MIER3: variants seen among roughly 807,000 people sequenced by gnomAD.
MIER3 encodes MIER family member 3, also known as mesoderm induction early response protein 3.
Under a neutral mutation model 63.2 loss-of-function variants are expected in MIER3, and 9 were observed. The observed-to-expected ratio is 0.14, with a 90% confidence interval of 0.09 to 0.25. MIER3 has a LOEUF of 0.25. Among genes scored for constraint, MIER3 ranks in the 10% least tolerant of loss-of-function variants. The pLI is 1.00. For synonymous variants in MIER3, 205 were observed against 224.9 expected (o/e 0.91, Z 0.79); for missense variants, 512 against 666.2 (o/e 0.77, Z 2.55).
intron 3 of MIER3, among the ~76,000 whole-genome samples, chr5:56,944,198 G>C (rs1433210047): frequency 1.3e-5 from 2 of 152,134 alleles, no homozygotes; most frequent in Non-Finnish European, 2.9e-5. Context: ...TAGGCTGGGC[G>C]CGGTGGCTCA....
At chr5:56,924,983 C>T (rs1370645659) in intron 10 of MIER3, among the ~76,000 whole-genome samples, 1 of 152,190 alleles carries the variant, frequency 6.6e-6, no homozygotes, top group African/African-American at 2.4e-5. Flanking sequence ...CGTGGGGCTA[C>T]AGACCTTTTC....
intron 2 of MIER3, among the ~76,000 whole-genome samples, chr5:56,948,072 A>G (rs1209012464): frequency 6.6e-6 from 1 of 152,250 alleles, no homozygotes; most frequent in Non-Finnish European, 1.5e-5. Context: ...AGCATACTCA[A>G]CATAAAAAGT....
chr5:56,937,594 G>A lies in MIER3; in HGVS notation c.420C>T (p.Phe140=), dbSNP rs776339742. ...SVTSHETSDF[F]PRPLRSNTAC... Reference sequence around the variant, plus strand: ...GTTTCTTACATCGTAAAGGCCTAGGGAAGAAATCAGAAGTTTCATGGGAAG... The same window carrying A: ...GTTTCTTACATCGTAAAGGCCTAGGAAAGAAATCAGAAGTTTCATGGGAAG... The change falls in exon 5 of 13, where the codon TTC becomes TTT. Residue 140 remains phenylalanine, a synonymous_variant. Transcript: ENST00000381199. The A allele has an allele frequency of 8.1e-6, 13 of 1,610,500 alleles. No individual in the cohort carries two copies. In the Admixed American group the frequency reaches 2.2e-4, roughly 27 times the overall value.
chr5:56,947,648 C>T (rs1750871804), intron 2 of MIER3, among the ~76,000 whole-genome samples: 1 of 152,170 alleles, frequency 6.6e-6, no homozygotes, highest in African/African-American at 2.4e-5. Context: ...CTTTACATTT[C>T]TCTAACAGTA....
At chr5:56,947,235 C>G in intron 2 of MIER3, 164 bp from the exon 3 acceptor site, 1 of 654,384 alleles carries the variant, frequency 1.5e-6, no homozygotes, top group Non-Finnish European at 2.3e-6. Flanking sequence ...CCCCATGATT[C>G]TGAAAATATG....
intron 3 of MIER3, among the ~76,000 whole-genome samples, chr5:56,939,298 CT>C (rs563792813): frequency 3.3e-5 from 5 of 150,864 alleles, no homozygotes; most frequent in South Asian, 2.1e-4. Flanking sequence ...GCTTTAGTGC[CT>C]TTTTTTTTGC....
chr5:56,928,681 CT>C, intron 10 of MIER3, 85 bp downstream of exon 10: 1 of 945,906 alleles, frequency 1.1e-6, no homozygotes, highest in Non-Finnish European at 1.6e-6. Context: ...GTAAGTTGTT[CT>C]TTTTTCCTAC....
At chr5:56,938,342 AAAGGCAAGG>A (rs1412816920) in intron 4 of MIER3, 12 of 471,068 alleles carry the variant, frequency 2.5e-5, no homozygotes, top group Non-Finnish European at 5.3e-5. Context: ...CTGAGATCTG[AAAGGCAAGG>A]AAAGGTTCCC....
intron 10 of MIER3, chr5:56,928,158 A>C (rs574033066): frequency 1.3e-5 from 2 of 152,356 alleles, no homozygotes; most frequent in Non-Finnish European, 2.9e-5. Flanking sequence ...AATTATGATG[A>C]AAGCTGCTAT....
At chr5:56,951,936 G>A (rs1488690990) in intron 1 of MIER3, among the ~76,000 whole-genome samples, 158 bp downstream of exon 1, 1 of 148,554 alleles carries the variant, frequency 6.7e-6, no homozygotes, top group East Asian at 2.0e-4. Flanking sequence ...GGCCAGCCCC[G>A]CCACGGCCAG....
In MIER3 at chr5:56,950,758, T is replaced by G. The variant is rs1554043524; in HGVS notation, c.10-106A>C. ...GCGGAGTCGAGCGCTCCTCCGCAGC[T>G]GCCAAAAGTGCAAGACGTAGCTTCA... is the stretch of plus-strand genomic sequence containing the variant. On this transcript the variant is annotated intron_variant, in intron 1 of 12. Coordinates refer to ENST00000381199, the MANE Select transcript of MIER3 (RefSeq NM_001297599.2). The G allele has an allele frequency of 5.9e-5, 75 of 1,272,916 alleles. 2 individuals are homozygous for G. The South Asian group carries it at 9.3e-4, about 16-fold the overall frequency. 78.9% of individuals were successfully genotyped at this position (1,272,916 alleles called of 1,614,324 possible). A position where few individuals can be genotyped will look rare whatever the true frequency, so the allele number is the denominator to read the frequency against.
chr5:56,943,281 G>T (rs1750714284), intron 3 of MIER3, among the ~76,000 whole-genome samples: 1 of 151,428 alleles, frequency 6.6e-6, no homozygotes, highest in Non-Finnish European at 1.5e-5. Context: ...AAGATCAAAA[G>T]AGAATTTCTT....
In MIER3 at chr5:56,936,006, C is replaced by T. The variant is rs1283408407; in HGVS notation, c.437-255G>A. Among the ~76,000 whole-genome samples, 4 of 151,956 alleles carry T rather than the reference C, an allele frequency of 2.6e-5. No homozygotes were observed. In the East Asian group the frequency reaches 7.7e-4, roughly 29 times the overall value. On this transcript the variant is annotated intron_variant, in intron 5 of 12. Transcript: ENST00000381199. ...CTTTGGGAGGCTGAGGTGGGTGGATCGCTTGAGGTCAGGAGTTTAAGACCA... is the reference window on the plus strand; with the variant it reads ...CTTTGGGAGGCTGAGGTGGGTGGATTGCTTGAGGTCAGGAGTTTAAGACCA...
At chr5:56,947,510 A>G (rs1039560522) in intron 2 of MIER3, among the ~76,000 whole-genome samples, 1 of 152,214 alleles carries the variant, frequency 6.6e-6, no homozygotes, top group Non-Finnish European at 1.5e-5. Context: ...TCAGGATAAT[A>G]TAAATTTTAC....
At chr5:56,949,182 C>G (rs766791017) in intron 2 of MIER3, among the ~76,000 whole-genome samples, 1 of 152,042 alleles carries the variant, frequency 6.6e-6, no homozygotes, top group African/African-American at 2.4e-5. Flanking sequence ...ATGGTGAAAC[C>G]CCATCTCTAC....
chr5:56,941,220 A>G (rs1253665453), intron 3 of MIER3: 3 of 844,510 alleles, frequency 3.6e-6, no homozygotes, highest in Non-Finnish European at 4.3e-6. Flanking sequence ...TGATGGCTTC[A>G]ATATTCAATT....
In MIER3 at chr5:56,922,562, T is replaced by C. The variant is rs1046485021; in HGVS notation, c.*566A>G. 2.0e-5 allele frequency: 3 copies of C among 153,294 alleles called. No individual in the cohort carries two copies. Among genetic ancestry groups the C allele is most frequent in the African/African-American group, 2.4e-5 (1 of 41,454 alleles). The allele number at this position is 153,294 out of a possible 1,614,324, so 9.5% of individuals were successfully genotyped here. A position where few individuals can be genotyped will look rare whatever the true frequency, so the allele number is the denominator to read the frequency against. ...ATAACATGAGAGAAGTTTCCATTTT[T>C]AAAAAATCCTTGCATGTTTGTGCAG... is the stretch of plus-strand genomic sequence containing the variant. On this transcript the variant is annotated 3_prime_UTR_variant, in exon 13 of 13. Transcript: ENST00000381199.
chr5:56,924,253 G>GTT (rs35795629), intron 10 of MIER3, among the ~76,000 whole-genome samples: 1 of 149,440 alleles, frequency 6.7e-6, no homozygotes, highest in Non-Finnish European at 1.5e-5. Flanking sequence ...AAAGCCCAAG[G>GTT]TTTTTTTTTT....
At chr5:56,944,858 C>A (rs1341117860) in intron 3 of MIER3, among the ~76,000 whole-genome samples, 1 of 151,994 alleles carries the variant, frequency 6.6e-6, no homozygotes, top group African/African-American at 2.4e-5. Flanking sequence ...TCACACCCAG[C>A]TAATTGTTAA....
Sources: gnomAD v4.1 joint callset for allele counts (sites outside exome capture counted in the v4.1 genomes callset) on GRCh38, gnomAD v4.1.1 for gene constraint, MANE v1.5 for transcripts, NCBI Gene and HGNC (gene_info 2026-07-23, HGNC 2026-07-21) for gene names.